Variants in CNBD1 observed in about 807,000 individuals in gnomAD.
The protein encoded by CNBD1 is cyclic nucleotide-binding domain-containing protein 1.
CNBD1 carries 71 observed loss-of-function variants against 54.4 expected under a neutral mutation model. The ratio of observed to expected loss-of-function variants is 1.30; its 90% CI spans 1.08 to 1.59. CNBD1 has a LOEUF of 1.59. Among genes scored for constraint, CNBD1 ranks in the 40% most tolerant of loss-of-function variants. CNBD1 has a pLI of 0.00. For missense variants in CNBD1, 659 were observed against 518.0 expected, an observed-to-expected ratio of 1.27 and a Z score of -2.64; for synonymous variants, 182 against 170.7, an observed-to-expected ratio of 1.07 and a Z score of -0.51.
At chr8:87,087,524 C>T (rs1441921144) in intron 4 of CNBD1, among the ~76,000 whole-genome samples, 3 of 142,258 alleles carry the variant, frequency 2.1e-5, no homozygotes, top group African/African-American at 5.3e-5. Context: ...AGTGCAGTGG[C>T]GCGATCTCGG....
chr8:87,116,446 T>A (rs1811770570), intron 4 of CNBD1, among the ~76,000 whole-genome samples: 1 of 152,098 alleles, frequency 6.6e-6, no homozygotes, highest in Non-Finnish European at 1.5e-5. Flanking sequence ...ACTCCTGGGC[T>A]CAAGTGATTC....
At chr8:87,169,122 CTGGGGTGAGGTGATA>C (rs1420742248) in intron 4 of CNBD1, among the ~76,000 whole-genome samples, 1 of 152,018 alleles carries the variant, frequency 6.6e-6, no homozygotes, top group Non-Finnish European at 1.5e-5. Context: ...GCCATTTTAA[CTGGGGTGAGGTGATA>C]TGTCATTGTA....
At chr8:87,018,700 G>A (rs184863670) in intron 4 of CNBD1, among the ~76,000 whole-genome samples, 3 of 152,080 alleles carry the variant, frequency 2.0e-5, no homozygotes, top group East Asian at 3.9e-4. Context: ...CCCTCATTTG[G>A]CATCCTACTG....
chr8:86,866,796 G>C (rs1465140146), intron 1 of CNBD1, among the ~76,000 whole-genome samples: 1 of 152,042 alleles, frequency 6.6e-6, no homozygotes, highest in Admixed American at 6.6e-5. Context: ...TTTTTTCTCT[G>C]TAAAATGAGG....
At chr8:86,940,373 G>T (rs984121805) in intron 4 of CNBD1, among the ~76,000 whole-genome samples, 1 of 152,030 alleles carries the variant, frequency 6.6e-6, no homozygotes, top group Admixed American at 6.6e-5. Context: ...CACCATGTTG[G>T]CCAGGGTGGT....
intron 5 of CNBD1, among the ~76,000 whole-genome samples, chr8:87,228,970 A>G (rs1034727446): frequency 6.6e-6 from 1 of 152,148 alleles, no homozygotes; most frequent in Non-Finnish European, 1.5e-5. Flanking sequence ...CCGTCGGAAA[A>G]GCGCGGTATT....
At chr8:87,167,827 A>G in intron 4 of CNBD1, among the ~76,000 whole-genome samples, 1 of 152,126 alleles carries the variant, frequency 6.6e-6, no homozygotes, top group East Asian at 1.9e-4. Context: ...ATGAATTATT[A>G]GGTGCATTTT....
At chr8:87,368,266 G>A (rs978345831) in intron 10 of CNBD1, among the ~76,000 whole-genome samples, 3 of 151,978 alleles carry the variant, frequency 2.0e-5, no homozygotes, top group South Asian at 2.1e-4. Flanking sequence ...TTGATTGAAC[G>A]CTGTCAAAAA....
intron 4 of CNBD1, among the ~76,000 whole-genome samples, chr8:86,969,006 G>A (rs917226778): frequency 6.6e-6 from 1 of 151,992 alleles, no homozygotes; most frequent in African/African-American, 2.4e-5. Context: ...TGTGAGGGAA[G>A]TATGTAGCTT....
intron 4 of CNBD1, among the ~76,000 whole-genome samples, chr8:86,981,943 C>T (rs1027103830): frequency 8.9e-4 from 135 of 152,156 alleles, no homozygotes; most frequent in African/African-American, 3.0e-3. Flanking sequence ...GTGGGATTCC[C>T]GGGTCATACT....
intron 9 of CNBD1, among the ~76,000 whole-genome samples, chr8:87,353,038 A>G (rs905478280): frequency 6.6e-6 from 1 of 152,064 alleles, no homozygotes; most frequent in Non-Finnish European, 1.5e-5. Flanking sequence ...AGGTCTCAAA[A>G]TTTTCTCCAG....
At chr8:87,382,244 A>G (rs1309652688) in intron 10 of CNBD1, among the ~76,000 whole-genome samples, 2 of 151,936 alleles carry the variant, frequency 1.3e-5, no homozygotes, top group Admixed American at 1.3e-4. Context: ...TAGATACAAA[A>G]TAGGTAAGAT....
At chr8:87,369,736 A>G (rs1399955677) in intron 10 of CNBD1, among the ~76,000 whole-genome samples, 1 of 149,034 alleles carries the variant, frequency 6.7e-6, no homozygotes, top group Non-Finnish European at 1.5e-5. Flanking sequence ...TTTTTTTTTT[A>G]TTATTATACT....
chr8:87,250,788 A>C (rs558376140), intron 6 of CNBD1, among the ~76,000 whole-genome samples: 1 of 152,296 alleles, frequency 6.6e-6, no homozygotes, highest in South Asian at 2.1e-4. Context: ...GAACTCATGG[A>C]GATAGTGAGT....
chr8:86,984,952 A>T (rs561943075), intron 4 of CNBD1, among the ~76,000 whole-genome samples: 3 of 152,056 alleles, frequency 2.0e-5, no homozygotes, highest in African/African-American at 7.2e-5. Flanking sequence ...GAGATTTGGG[A>T]GGGGTCGGGG....
chr8:87,363,848 C>CTTT (rs1010266546), intron 10 of CNBD1, among the ~76,000 whole-genome samples: 6 of 151,904 alleles, frequency 3.9e-5, no homozygotes, highest in Non-Finnish European at 8.8e-5. Flanking sequence ...TGCAGAAGCT[C>CTTT]TTTAGTTTAA....
At chr8:87,324,770 T>G (rs1217672150) in intron 8 of CNBD1, among the ~76,000 whole-genome samples, 1 of 145,740 alleles carries the variant, frequency 6.9e-6, no homozygotes. Flanking sequence ...GATTCATTGA[T>G]TTTTTGAAGG....
intron 4 of CNBD1, among the ~76,000 whole-genome samples, chr8:86,978,406 A>C (rs929248392): frequency 6.6e-6 from 1 of 152,144 alleles, no homozygotes; most frequent in African/African-American, 2.4e-5. Context: ...AGACAGTCTG[A>C]AAAAATTTTT....
intron 4 of CNBD1, among the ~76,000 whole-genome samples, chr8:87,039,430 CTGA>C (rs1381277118): frequency 6.6e-6 from 1 of 151,980 alleles, no homozygotes; most frequent in Non-Finnish European, 1.5e-5. Context: ...ATTACTGTTT[CTGA>C]TGATATATTA....
Sources: gnomAD v4.1 joint callset for allele counts (sites outside exome capture counted in the v4.1 genomes callset) on GRCh38, gnomAD v4.1.1 for gene constraint, MANE v1.5 for transcripts, NCBI Gene and HGNC (gene_info 2026-07-23, HGNC 2026-07-21) for gene names.